Variants in RAP1A observed in about 807,000 individuals in gnomAD.
RAP1A encodes the protein ras-related protein Rap-1A.
In RAP1A, 6 loss-of-function variants were observed where a neutral mutation model predicts 26.4. That is an observed-to-expected ratio of 0.23 (90% CI 0.12 to 0.45). The LOEUF is 0.45. Ranked by LOEUF, RAP1A falls within the 20% of genes least tolerant of loss-of-function variation. The pLI is 0.99. For synonymous variants in RAP1A, 73 were observed against 79.4 expected (o/e 0.92, Z 0.43); for missense variants, 121 against 217.2 (o/e 0.56, Z 2.78).
At chr1:111,647,233 G>A (rs771300417) in intron 1 of RAP1A, among the ~76,000 whole-genome samples, 3 of 152,144 alleles carry the variant, frequency 2.0e-5, no homozygotes, top group African/African-American at 2.4e-5. Flanking sequence ...TAGCTTGCAC[G>A]CTTCTTATGA....
At chr1:111,621,360 C>T (rs1305736594) in intron 1 of RAP1A, among the ~76,000 whole-genome samples, 2 of 152,152 alleles carry the variant, frequency 1.3e-5, no homozygotes, top group Admixed American at 6.5e-5. Flanking sequence ...TTAAATTAGG[C>T]CCCAGACTTT....
At chr1:111,607,876 C>A (rs1298021902) in intron 1 of RAP1A, among the ~76,000 whole-genome samples, 1 of 108,114 alleles carries the variant, frequency 9.2e-6, no homozygotes, top group East Asian at 2.4e-4. Flanking sequence ...CTGACCCCCC[C>A]CACCTCCCTC....
intron 1 of RAP1A, among the ~76,000 whole-genome samples, chr1:111,631,958 G>T (rs1420928714): frequency 1.3e-5 from 2 of 151,384 alleles, no homozygotes; most frequent in African/African-American, 2.4e-5. Flanking sequence ...AACATCTTTT[G>T]GTTCTGTTTA....
chr1:111,577,613 G>C (rs975776364), intron 1 of RAP1A, among the ~76,000 whole-genome samples: 1 of 151,978 alleles, frequency 6.6e-6, no homozygotes, highest in African/African-American at 2.4e-5. Context: ...ATTGGGTTTA[G>C]ATTAGGAGCT....
At chr1:111,666,370 C>T (rs1283742046) in intron 1 of RAP1A, among the ~76,000 whole-genome samples, 1 of 152,098 alleles carries the variant, frequency 6.6e-6, no homozygotes, top group South Asian at 2.1e-4. Context: ...TAACACTCAG[C>T]CATGCAACAT....
intron 4 of RAP1A, among the ~76,000 whole-genome samples, chr1:111,698,573 T>A (rs1308419392): frequency 1.3e-5 from 2 of 152,112 alleles, no homozygotes; most frequent in African/African-American, 4.8e-5. Flanking sequence ...CTGGCTGGCA[T>A]TTTTAAATGT....
At chr1:111,654,387 G>A (rs530554302) in intron 1 of RAP1A, among the ~76,000 whole-genome samples, 3 of 152,208 alleles carry the variant, frequency 2.0e-5, no homozygotes, top group Admixed American at 2.0e-4. Context: ...TGAGTTAGGT[G>A]GTATCATTCC....
At chr1:111,557,771 A>G (rs1410804160) in intron 1 of RAP1A, among the ~76,000 whole-genome samples, 1 of 152,208 alleles carries the variant, frequency 6.6e-6, no homozygotes. Flanking sequence ...TATATAAAAC[A>G]ATAAGTAAAA....
At position 111,714,874 on chromosome 1, in the gene RAP1A, A is replaced by G. The variant is rs747286964; in HGVS notation, c.*2473A>G. ...TGATAAATATCTAGAAACTGATTTCATATTAGTATGTGTGGCTATTTAAAG... is the reference window on the plus strand; with the variant it reads ...TGATAAATATCTAGAAACTGATTTCGTATTAGTATGTGTGGCTATTTAAAG... On this transcript the variant is annotated 3_prime_UTR_variant, in exon 8 of 8. Coordinates refer to ENST00000369709, the MANE Select transcript of RAP1A (RefSeq NM_002884.4). 3 of 152,226 alleles carry G rather than the reference A, an allele frequency of 2.0e-5. No individual in the cohort carries two copies. Among genetic ancestry groups the G allele is most frequent in the Non-Finnish European group, 4.4e-5 (3 of 68,038 alleles). The allele number at this position is 152,226 out of a possible 1,614,324, so 9.4% of individuals were successfully genotyped here.
Position 111,697,132 on chromosome 1 carries a change from G to A in RAP1A, c.127-309G>A, listed in dbSNP as rs1177811608. ...TTTTTTTTCTGTTAGAACTATACTT[G>A]TTCGTTGAAGTTTTCCTTAAATTTC... is the stretch of plus-strand genomic sequence containing the variant. On this transcript the variant is annotated intron_variant, in intron 3 of 7. Transcript: ENST00000369709. Among the ~76,000 whole-genome samples the A allele has an allele frequency of 2.0e-5, 3 of 152,114 alleles. No individual in the cohort carries two copies. The South Asian group carries it at 6.2e-4, about 32-fold the overall frequency.
chr1:111,623,365 T>C (rs991553127), intron 1 of RAP1A, among the ~76,000 whole-genome samples: 3 of 151,914 alleles, frequency 2.0e-5, no homozygotes, highest in Non-Finnish European at 4.4e-5. Flanking sequence ...TTGTTTAATT[T>C]CTGTTTTGTA....
chr1:111,688,408 C>T (rs551990897), intron 1 of RAP1A, among the ~76,000 whole-genome samples: 1 of 151,248 alleles, frequency 6.6e-6, no homozygotes, highest in Non-Finnish European at 1.5e-5. Context: ...TAAGCACTGC[C>T]TCCCAGGTTC....
intron 1 of RAP1A, among the ~76,000 whole-genome samples, chr1:111,584,661 A>G (rs1213774673): frequency 6.6e-6 from 1 of 152,180 alleles, no homozygotes; most frequent in Non-Finnish European, 1.5e-5. Flanking sequence ...CGAAGAAACA[A>G]ACAGCCTCTC....
intron 1 of RAP1A, among the ~76,000 whole-genome samples, chr1:111,645,020 T>C (rs970004565): frequency 1.3e-5 from 2 of 152,258 alleles, no homozygotes; most frequent in Admixed American, 6.5e-5. Flanking sequence ...CAGCTTCTGA[T>C]ATTTGCACTG....
At chr1:111,607,472 T>C (rs978309549) in intron 1 of RAP1A, among the ~76,000 whole-genome samples, 1 of 152,234 alleles carries the variant, frequency 6.6e-6, no homozygotes, top group Non-Finnish European at 1.5e-5. Context: ...TTCCCCACTT[T>C]CTATTCCACA....
chr1:111,568,694 G>A (rs78030820), intron 1 of RAP1A, among the ~76,000 whole-genome samples: 1 of 152,064 alleles, frequency 6.6e-6, no homozygotes, highest in Non-Finnish European at 1.5e-5. Flanking sequence ...AAACTGCACA[G>A]GTCCACTCAC....
At chr1:111,620,566 T>C (rs1174858278) in intron 1 of RAP1A, among the ~76,000 whole-genome samples, 1 of 151,384 alleles carries the variant, frequency 6.6e-6, no homozygotes, top group Non-Finnish European at 1.5e-5. Flanking sequence ...GTTCAGGGTC[T>C]CCCTTTCCTT....
At chr1:111,600,897 A>G (rs1232073704) in intron 1 of RAP1A, among the ~76,000 whole-genome samples, 2 of 152,172 alleles carry the variant, frequency 1.3e-5, no homozygotes, top group Non-Finnish European at 2.9e-5. Context: ...GATCAGGGTG[A>G]TTAAGAGAAA....
intron 1 of RAP1A, among the ~76,000 whole-genome samples, chr1:111,679,459 G>A (rs1012796228): frequency 8.5e-5 from 13 of 152,182 alleles, no homozygotes; most frequent in African/African-American, 3.1e-4. Flanking sequence ...ACAAAACTGG[G>A]CGGCTGTTTG....
Sources: gnomAD v4.1 joint callset for allele counts (sites outside exome capture counted in the v4.1 genomes callset) on GRCh38, gnomAD v4.1.1 for gene constraint, MANE v1.5 for transcripts, NCBI Gene and HGNC (gene_info 2026-07-23, HGNC 2026-07-21) for gene names.